Variants in ADCY2 observed in about 807,000 individuals in gnomAD.
The protein encoded by ADCY2 is adenylate cyclase 2.
Under a neutral mutation model 125.2 loss-of-function variants are expected in ADCY2, and 31 were observed. The observed-to-expected ratio is 0.25, with a 90% CI of 0.19 to 0.33. ADCY2 has a LOEUF of 0.33. Ranked by LOEUF, ADCY2 falls within the 10% of genes least tolerant of loss-of-function variation. The pLI is 1.00. For missense variants in ADCY2, 904 were observed against 1,418.2 expected (o/e 0.64, Z 5.82); for synonymous variants, 512 against 548.4 (o/e 0.93, Z 0.93).
chr5:7,400,446 G>A (rs1405350960), intron 1 of ADCY2, among the ~76,000 whole-genome samples: 2 of 152,162 alleles, frequency 1.3e-5, no homozygotes, highest in Non-Finnish European at 2.9e-5. Flanking sequence ...TTATCAGAGA[G>A]GTTCTTTTGT....
intron 3 of ADCY2, among the ~76,000 whole-genome samples, chr5:7,585,124 T>G (rs187421387): frequency 3.9e-5 from 6 of 152,324 alleles, no homozygotes; most frequent in Non-Finnish European, 7.4e-5. Context: ...AAGTCTTGCA[T>G]CACAATGAAT....
intron 2 of ADCY2, among the ~76,000 whole-genome samples, chr5:7,417,182 CT>C (rs1043253604): frequency 5.9e-5 from 9 of 151,888 alleles, no homozygotes; most frequent in Admixed American, 3.3e-4. Flanking sequence ...TTCGGAGACT[CT>C]TTTTTTTCTT....
intron 3 of ADCY2, among the ~76,000 whole-genome samples, chr5:7,581,541 C>G (rs1736433160): frequency 6.6e-6 from 1 of 151,736 alleles, no homozygotes; most frequent in African/African-American, 2.4e-5. Context: ...GAGAAACGGC[C>G]AGGTGCGGTG....
intron 3 of ADCY2, among the ~76,000 whole-genome samples, chr5:7,546,295 C>T (rs1471006990): frequency 1.3e-5 from 2 of 152,210 alleles, no homozygotes; most frequent in African/African-American, 2.4e-5. Context: ...TGACTAAATA[C>T]ATCGATGATA....
chr5:7,730,766 A>G (rs190236719), intron 14 of ADCY2, among the ~76,000 whole-genome samples: 44 of 152,116 alleles, frequency 2.9e-4, no homozygotes, highest in Admixed American at 2.8e-3. Context: ...GTCTCATTAC[A>G]TTCCTTTCTA....
chr5:7,499,144 A>T (rs1457213180), intron 2 of ADCY2, among the ~76,000 whole-genome samples: 1 of 152,086 alleles, frequency 6.6e-6, no homozygotes, highest in Non-Finnish European at 1.5e-5. Context: ...AGTAGATGGG[A>T]CTACAGGCAT....
chr5:7,578,392 C>T (rs1736319868), intron 3 of ADCY2, among the ~76,000 whole-genome samples: 1 of 152,138 alleles, frequency 6.6e-6, no homozygotes. Flanking sequence ...ACGGAGGTTC[C>T]CCCAGTGTAA....
At chr5:7,568,463 A>C (rs1392338847) in intron 3 of ADCY2, among the ~76,000 whole-genome samples, 1 of 151,752 alleles carries the variant, frequency 6.6e-6, no homozygotes, top group African/African-American at 2.4e-5. Context: ...CTCTTGGGTC[A>C]TGGAAATTTT....
At chr5:7,653,977 AG>A (rs1353682782) in intron 4 of ADCY2, 1 of 421,850 alleles carries the variant, frequency 2.4e-6, no homozygotes, top group Non-Finnish European at 4.8e-6. Context: ...ATCCCAGAAG[AG>A]CTGTTGAGAA....
At chr5:7,783,298 G>C (rs1259909429) in intron 18 of ADCY2, among the ~76,000 whole-genome samples, 1 of 152,136 alleles carries the variant, frequency 6.6e-6, no homozygotes, top group African/African-American at 2.4e-5. Flanking sequence ...TATGTGTCAG[G>C]CTCTGTGCCA....
intron 3 of ADCY2, among the ~76,000 whole-genome samples, chr5:7,537,771 A>C (rs1734862172): frequency 6.6e-6 from 1 of 152,236 alleles, no homozygotes. Flanking sequence ...GCCCTGTAGG[A>C]CATGGCCCTG....
chr5:7,770,881 C>T (rs1367647610), intron 17 of ADCY2, among the ~76,000 whole-genome samples: 4 of 152,126 alleles, frequency 2.6e-5, no homozygotes, highest in Non-Finnish European at 5.9e-5. Flanking sequence ...CTATGACAGA[C>T]TAATGCTTTT....
chr5:7,769,381 TAATA>T (rs912499131), intron 17 of ADCY2, among the ~76,000 whole-genome samples: 1 of 152,106 alleles, frequency 6.6e-6, no homozygotes, highest in Non-Finnish European at 1.5e-5. Context: ...TGCATATGCA[TAATA>T]AATTATTCAT....
At chr5:7,505,954 A>T (rs1386026891) in intron 2 of ADCY2, among the ~76,000 whole-genome samples, 1 of 151,726 alleles carries the variant, frequency 6.6e-6, no homozygotes, top group Non-Finnish European at 1.5e-5. Flanking sequence ...GCCCTTTTAT[A>T]TAACATTTTA....
intron 4 of ADCY2, among the ~76,000 whole-genome samples, chr5:7,659,343 T>A (rs1025203924): frequency 1.3e-5 from 2 of 152,366 alleles, no homozygotes; most frequent in South Asian, 2.1e-4. Context: ...ACATGACTTC[T>A]TTGTGTGTAT....
At chr5:7,546,440 A>T (rs1490901060) in intron 3 of ADCY2, among the ~76,000 whole-genome samples, 1 of 152,108 alleles carries the variant, frequency 6.6e-6, no homozygotes, top group African/African-American at 2.4e-5. Context: ...TGGTGTGAAG[A>T]CCGAGCCTGG....
At position 7,784,331 on chromosome 5, in the gene ADCY2, A is replaced by T. The variant is rs772825882; in HGVS notation, c.2385-34A>T. On this transcript the variant is annotated intron_variant, in intron 18 of 24. Transcript: ENST00000338316. ...TCCTGTATGCGTGTTGTTTTGTTGC[A>T]TTGTTGTCTGTTTGTCTGTCTGTTT... 7.3e-6 allele frequency: 11 copies of T among 1,506,358 alleles called. No homozygotes were observed. In the East Asian group the frequency reaches 2.3e-4, roughly 31 times the overall value. 93.3% of individuals were successfully genotyped at this position (1,506,358 alleles called of 1,614,324 possible). A position where few individuals can be genotyped will look rare whatever the true frequency, so the allele number is the denominator to read the frequency against.
intron 3 of ADCY2, among the ~76,000 whole-genome samples, chr5:7,568,463 A>G (rs1392338847): frequency 1.3e-5 from 2 of 151,752 alleles, no homozygotes; most frequent in South Asian, 2.1e-4. Context: ...CTCTTGGGTC[A>G]TGGAAATTTT....
intron 7 of ADCY2, among the ~76,000 whole-genome samples, chr5:7,705,639 T>C (rs1426673126): frequency 6.6e-6 from 1 of 152,188 alleles, no homozygotes; most frequent in African/African-American, 2.4e-5. Context: ...CTCCTTGTCC[T>C]GCTGATGCTC....
Sources: gnomAD v4.1 joint callset for allele counts (sites outside exome capture counted in the v4.1 genomes callset) on GRCh38, gnomAD v4.1.1 for gene constraint, MANE v1.5 for transcripts, NCBI Gene and HGNC (gene_info 2026-07-23, HGNC 2026-07-21) for gene names.